DPP10: variants seen among roughly 807,000 people sequenced by gnomAD.
DPP10 encodes the protein inactive dipeptidyl peptidase 10.
DPP10 carries 33 observed loss-of-function variants against 120.9 expected under a neutral mutation model. The observed-to-expected ratio is 0.27, with a 90% confidence interval of 0.21 to 0.37. The LOEUF is 0.37. Among genes scored for constraint, DPP10 ranks in the 10% least tolerant of loss-of-function variants. DPP10 has a pLI of 1.00. For synonymous variants in DPP10, 337 were observed against 326.1 expected, an observed-to-expected ratio of 1.03 and a Z score of -0.36; for missense variants, 816 against 942.8, an observed-to-expected ratio of 0.87 and a Z score of 1.76.
chr2:115,227,763 G>T (rs567652646), intron 1 of DPP10, among the ~76,000 whole-genome samples: 51 of 152,056 alleles, frequency 3.4e-4, no homozygotes, highest in Non-Finnish European at 6.2e-4. Context: ...TTCTTTTAAT[G>T]CAGAATAGTA....
At position 114,588,691 on chromosome 2, in the gene DPP10, T is replaced by C. The variant is rs1377234890; in HGVS notation, c.60+145853T>C. Among the ~76,000 whole-genome samples the C allele has an allele frequency of 3.3e-5, 5 of 152,130 alleles. 1 individual carries two copies. On this transcript the variant is annotated intron_variant, in intron 1 of 25. Coordinates refer to ENST00000410059, the MANE Select transcript of DPP10 (RefSeq NM_020868.6). Reference sequence around the variant, plus strand: ...CACATAATATTTGCAATTATCATAATCATATTTAATTTTTTTCCTATATAA... The same window carrying C: ...CACATAATATTTGCAATTATCATAACCATATTTAATTTTTTTCCTATATAA...
At chr2:115,035,893 G>T (rs1704197448) in intron 1 of DPP10, among the ~76,000 whole-genome samples, 1 of 152,156 alleles carries the variant, frequency 6.6e-6, no homozygotes, top group African/African-American at 2.4e-5. Flanking sequence ...ACATTTGTGT[G>T]CAATGCTCCC....
chr2:115,355,704 C>T (rs2064334979), intron 3 of DPP10, among the ~76,000 whole-genome samples: 1 of 152,092 alleles, frequency 6.6e-6, no homozygotes, highest in Non-Finnish European at 1.5e-5. Flanking sequence ...ATATTTAAGT[C>T]TTAAATCCAT....
At chr2:115,588,145 T>A (rs1172444119) in intron 5 of DPP10, among the ~76,000 whole-genome samples, 2 of 152,216 alleles carry the variant, frequency 1.3e-5, no homozygotes, top group African/African-American at 4.8e-5. Flanking sequence ...TCTTTAATAC[T>A]TGAATAATTT....
intron 1 of DPP10, chr2:115,161,735 C>T: frequency 2.5e-6 from 1 of 408,000 alleles, no homozygotes. Flanking sequence ...GCGGGGAGAG[C>T]GGGGAGTCAG....
intron 4 of DPP10, among the ~76,000 whole-genome samples, chr2:115,518,663 ATTTTT>A (rs1467475123): frequency 6.6e-6 from 1 of 152,042 alleles, no homozygotes; most frequent in Non-Finnish European, 1.5e-5. Flanking sequence ...TAATTATATT[ATTTTT>A]GTTTATGAAA....
intron 1 of DPP10, among the ~76,000 whole-genome samples, chr2:114,985,775 A>G (rs1700356399): frequency 6.6e-6 from 1 of 151,194 alleles, no homozygotes; most frequent in Admixed American, 6.5e-5. Flanking sequence ...CTGTCCATCT[A>G]TCTATCAATC....
intron 1 of DPP10, among the ~76,000 whole-genome samples, chr2:114,682,882 A>C (rs1399980482): frequency 6.6e-6 from 1 of 151,812 alleles, no homozygotes. Flanking sequence ...TGGAGTGCTG[A>C]CGTGCTGAGA....
At chr2:115,094,950 A>G (rs1573592370) in intron 1 of DPP10, among the ~76,000 whole-genome samples, 2 of 152,198 alleles carry the variant, frequency 1.3e-5, no homozygotes, top group East Asian at 3.9e-4. Flanking sequence ...ACAAAAACAG[A>G]CAACTGGCAC....
chr2:114,443,439 A>C (rs547571268), intron 1 of DPP10, among the ~76,000 whole-genome samples: 1 of 152,318 alleles, frequency 6.6e-6, no homozygotes, highest in East Asian at 1.9e-4. Context: ...GTTGTTTAAA[A>C]TTTGAGGCTT....
intron 1 of DPP10, among the ~76,000 whole-genome samples, chr2:114,574,363 C>T (rs902502796): frequency 6.6e-6 from 1 of 152,136 alleles, no homozygotes; most frequent in South Asian, 2.1e-4. Flanking sequence ...CCCTGCACAG[C>T]GTCAGCGCCG....
intron 5 of DPP10, among the ~76,000 whole-genome samples, chr2:115,582,348 T>G (rs541626978): frequency 6.6e-6 from 1 of 152,248 alleles, no homozygotes; most frequent in East Asian, 1.9e-4. Flanking sequence ...ACTCTGCCAT[T>G]TTGCCTGTTA....
At chr2:115,654,652 G>A (rs2088124120) in intron 5 of DPP10, among the ~76,000 whole-genome samples, 1 of 151,796 alleles carries the variant, frequency 6.6e-6, no homozygotes. Flanking sequence ...CTTGTCATAA[G>A]AGAACACAGC....
intron 1 of DPP10, among the ~76,000 whole-genome samples, chr2:115,044,732 T>C (rs1227793964): frequency 1.3e-5 from 2 of 152,208 alleles, no homozygotes; most frequent in African/African-American, 2.4e-5. Flanking sequence ...ATTTAGGTAC[T>C]CGTTAACCAT....
rs187746701 is a variant in DPP10 at position 114,935,131 on chromosome 2, C to T, written c.61-374108C>T. Among the ~76,000 whole-genome samples, 265 of 152,242 alleles carry T rather than the reference C, an allele frequency of 1.7e-3. 4 individuals are homozygous for T. Among genetic ancestry groups the T allele is most frequent in the Non-Finnish European group, 2.1e-4 (14 of 68,006 alleles). ...GTCATTCATTCCCCTGTCAGGACAA[C>T]CCCGCTGCTTCCCATTTTCATTCCT... is the stretch of plus-strand genomic sequence containing the variant. On this transcript the variant is annotated intron_variant, in intron 1 of 25. Coordinates refer to ENST00000410059, the MANE Select transcript of DPP10 (RefSeq NM_020868.6).
At chr2:115,293,553 C>A (rs1404403874) in intron 1 of DPP10, among the ~76,000 whole-genome samples, 1 of 152,106 alleles carries the variant, frequency 6.6e-6, no homozygotes, top group East Asian at 1.9e-4. Context: ...CTTTTTTTCA[C>A]TATTACACCA....
At chr2:115,755,146 T>G (rs1679236492) in intron 11 of DPP10, among the ~76,000 whole-genome samples, 1 of 152,102 alleles carries the variant, frequency 6.6e-6, no homozygotes, top group Non-Finnish European at 1.5e-5. Flanking sequence ...AGGTCTATTA[T>G]AAATTAGTTT....
chr2:114,890,749 C>T (rs1028254581), intron 1 of DPP10, among the ~76,000 whole-genome samples: 8 of 152,126 alleles, frequency 5.3e-5, no homozygotes, highest in Admixed American at 2.0e-4. Flanking sequence ...TTCGAAATGG[C>T]GATATCTTCA....
chr2:115,442,162 A>G (rs776065017), intron 3 of DPP10, among the ~76,000 whole-genome samples: 2 of 151,662 alleles, frequency 1.3e-5, no homozygotes, highest in South Asian at 4.2e-4. Context: ...TTTTGTCTTC[A>G]CTGTGCTTGT....
Sources: gnomAD v4.1 joint callset for allele counts (sites outside exome capture counted in the v4.1 genomes callset) on GRCh38, gnomAD v4.1.1 for gene constraint, MANE v1.5 for transcripts, NCBI Gene and HGNC (gene_info 2026-07-23, HGNC 2026-07-21) for gene names.